Variants in ADAMTS12 observed in about 807,000 individuals in gnomAD.
ADAMTS12 encodes A disintegrin and metalloproteinase with thrombospondin motifs 12.
ADAMTS12 carries 118 observed loss-of-function variants against 167.8 expected under a neutral mutation model. The ratio of observed to expected loss-of-function variants is 0.70; its 90% confidence interval spans 0.61 to 0.82. The LOEUF (loss-of-function observed/expected upper bound fraction) is 0.82. Ranked by LOEUF, ADAMTS12 falls within the 40% of genes least tolerant of loss-of-function variation. ADAMTS12 has a pLI of 0.00. For missense variants in ADAMTS12, 1,916 were observed against 1,998.8 expected (o/e 0.96, Z 0.79); for synonymous variants, 704 against 716.9 (o/e 0.98, Z 0.29).
At chr5:33,697,336 G>A (rs1044971048) in intron 3 of ADAMTS12, among the ~76,000 whole-genome samples, 1 of 152,190 alleles carries the variant, frequency 6.6e-6, no homozygotes, top group Non-Finnish European at 1.5e-5. Context: ...TAAGAGTGAT[G>A]AGAGGCATTT....
rs1444099747 is a variant in ADAMTS12, at chr5:33,603,402, A to G, written c.2528-7342T>C. 2.0e-5 allele frequency: 3 copies of G among 152,146 alleles called. No individual in the cohort carries two copies. The East Asian group carries it at 5.8e-4, about 29-fold the overall frequency. 9.4% of individuals were successfully genotyped at this position (152,146 alleles called of 1,614,324 possible). ...TCTATTGGCTGAACTTTCATTGGTGATCTTTTGATGGGTGACTCAGATAAA... is the reference window on the plus strand; with the variant it reads ...TCTATTGGCTGAACTTTCATTGGTGGTCTTTTGATGGGTGACTCAGATAAA... On this transcript the variant is annotated intron_variant, in intron 16 of 23. Transcript: ENST00000504830.
chr5:33,720,957 G>T (rs968474573), intron 3 of ADAMTS12, among the ~76,000 whole-genome samples: 1 of 152,132 alleles, frequency 6.6e-6, no homozygotes. Flanking sequence ...TAGTTTTATA[G>T]CCCAAATGAA....
chr5:33,746,430 G>C (rs1382208652), intron 3 of ADAMTS12, among the ~76,000 whole-genome samples: 1 of 152,082 alleles, frequency 6.6e-6, no homozygotes, highest in African/African-American at 2.4e-5. Context: ...ATTTATATTA[G>C]AGCATGTAAT....
intron 5 of ADAMTS12, among the ~76,000 whole-genome samples, chr5:33,672,193 A>C (rs1035272653): frequency 6.6e-6 from 1 of 150,876 alleles, no homozygotes; most frequent in African/African-American, 2.4e-5. Flanking sequence ...CCACATACTC[A>C]CATACACACA....
chr5:33,703,746 G>A (rs1044800310), intron 3 of ADAMTS12, among the ~76,000 whole-genome samples: 2 of 152,142 alleles, frequency 1.3e-5, no homozygotes, highest in Non-Finnish European at 1.5e-5. Context: ...TCAGTTTTAA[G>A]GGTGAATGGT....
intron 5 of ADAMTS12, among the ~76,000 whole-genome samples, chr5:33,667,140 A>G (rs2112228500): frequency 6.6e-6 from 1 of 152,174 alleles, no homozygotes; most frequent in East Asian, 1.9e-4. Context: ...TCACTTACTG[A>G]AGCCCCATCT....
chr5:33,754,209 G>A (rs1227961768), intron 2 of ADAMTS12, among the ~76,000 whole-genome samples: 1 of 152,176 alleles, frequency 6.6e-6, no homozygotes, highest in Non-Finnish European at 1.5e-5. Context: ...TACTTTCCCT[G>A]AAGCAAATTG....
chr5:33,539,224 G>A (rs938223567), intron 22 of ADAMTS12, among the ~76,000 whole-genome samples: 11 of 152,204 alleles, frequency 7.2e-5, no homozygotes, highest in Non-Finnish European at 1.0e-4. Context: ...CTACAGGTGT[G>A]AGCCACCACA....
Position 33,527,105 on chromosome 5 carries a change from C to T in ADAMTS12, c.*83G>A. 1 of 1,523,488 alleles carries T rather than the reference C, an allele frequency of 6.6e-7. No individual in the cohort carries two copies. Among genetic ancestry groups the T allele is most frequent in the South Asian group, 1.2e-5 (1 of 83,020 alleles). The allele number at this position is 1,523,488 out of a possible 1,614,324, so 94.4% of individuals were successfully genotyped here. ...GAATCTGAAATATATGAAGCAAAAC[C>T]TCAACGAAGCAGCTCCCAGGGCTAA... On this transcript the variant is annotated 3_prime_UTR_variant, in exon 24 of 24. Transcript: ENST00000504830.
At chr5:33,705,965 A>G (rs1301052678) in intron 3 of ADAMTS12, among the ~76,000 whole-genome samples, 1 of 152,168 alleles carries the variant, frequency 6.6e-6, no homozygotes, top group Non-Finnish European at 1.5e-5. Flanking sequence ...CACTTATGAA[A>G]GAAACTGAAG....
intron 18 of ADAMTS12, among the ~76,000 whole-genome samples, chr5:33,586,783 T>C (rs1747374705): frequency 6.6e-6 from 1 of 152,296 alleles, no homozygotes; most frequent in Middle Eastern, 3.4e-3. Context: ...GAAACCTAGG[T>C]TGCAGTGGAC....
intron 11 of ADAMTS12, among the ~76,000 whole-genome samples, 192 bp from the exon 12 acceptor site, chr5:33,637,938 G>A (rs1308210447): frequency 3.3e-5 from 5 of 152,086 alleles, no homozygotes; most frequent in Non-Finnish European, 1.5e-5. Context: ...GTGTATAGTA[G>A]CTTATTTTGA....
At chr5:33,766,791 T>C (rs563295795) in intron 2 of ADAMTS12, among the ~76,000 whole-genome samples, 7 of 152,282 alleles carry the variant, frequency 4.6e-5, no homozygotes, top group African/African-American at 1.7e-4. Context: ...CGTAGTAAAA[T>C]TGTGCAATTA....
At chr5:33,811,203 C>T (rs1303565067) in intron 2 of ADAMTS12, among the ~76,000 whole-genome samples, 1 of 152,164 alleles carries the variant, frequency 6.6e-6, no homozygotes, top group East Asian at 1.9e-4. Flanking sequence ...TGTAAGAGCA[C>T]TTTGTCACCA....
chr5:33,830,410 C>T (rs548734388), intron 2 of ADAMTS12, among the ~76,000 whole-genome samples: 1 of 152,118 alleles, frequency 6.6e-6, no homozygotes, highest in Admixed American at 6.5e-5. Flanking sequence ...AAATGGTCAG[C>T]CTACCAAGAA....
chr5:33,876,811 T>C (rs1354367276), intron 2 of ADAMTS12, among the ~76,000 whole-genome samples: 5 of 152,244 alleles, frequency 3.3e-5, no homozygotes, highest in African/African-American at 1.2e-4. Context: ...ATCCTGGCTG[T>C]GATACTGTGC....
At chr5:33,869,994 A>G (rs192366333) in intron 2 of ADAMTS12, among the ~76,000 whole-genome samples, 19 of 152,300 alleles carry the variant, frequency 1.2e-4, no homozygotes, top group Non-Finnish European at 2.6e-4. Context: ...TTAATTATTA[A>G]TATTCCTTAC....
intron 13 of ADAMTS12, among the ~76,000 whole-genome samples, chr5:33,625,014 G>T (rs1189802235): frequency 2.0e-5 from 3 of 152,178 alleles, no homozygotes; most frequent in Non-Finnish European, 4.4e-5. Flanking sequence ...TTTTTAGAGA[G>T]AGATGGGATT....
intron 21 of ADAMTS12, among the ~76,000 whole-genome samples, chr5:33,546,997 AAATTATATGC>A (rs1047878820): frequency 2.6e-5 from 4 of 152,192 alleles, no homozygotes; most frequent in Admixed American, 2.6e-4. Flanking sequence ...GAAAACAGGG[AAATTATATGC>A]AATTAACCTT....
Sources: gnomAD v4.1 joint callset for allele counts (sites outside exome capture counted in the v4.1 genomes callset) on GRCh38, gnomAD v4.1.1 for gene constraint, MANE v1.5 for transcripts, NCBI Gene and HGNC (gene_info 2026-07-23, HGNC 2026-07-21) for gene names.